STK4: variants seen among roughly 807,000 people sequenced by gnomAD.
STK4 encodes serine/threonine-protein kinase 4.
A neutral mutation model predicts 64.9 loss-of-function variants in STK4; 30 were observed. That is an observed-to-expected ratio of 0.46 (90% confidence interval 0.35 to 0.63). The LOEUF (loss-of-function observed/expected upper bound fraction) is 0.63. STK4 is among the 20% of genes least tolerant of loss of function. STK4 has a pLI of 0.01. For missense variants in STK4, 466 were observed against 598.5 expected, an observed-to-expected ratio of 0.78 and a Z score of 2.31; for synonymous variants, 177 against 199.0, an observed-to-expected ratio of 0.89 and a Z score of 0.93.
chr20:45,052,706 G>A (rs987643929), intron 10 of STK4, among the ~76,000 whole-genome samples: 3 of 152,128 alleles, frequency 2.0e-5, no homozygotes, highest in East Asian at 1.9e-4. Context: ...CAGCACCTGC[G>A]CTCTCAGACT....
chr20:45,028,820 C>G (rs2145393689), intron 10 of STK4, among the ~76,000 whole-genome samples: 1 of 152,288 alleles, frequency 6.6e-6, no homozygotes, highest in East Asian at 1.9e-4. Context: ...TTTTCTCATA[C>G]TAAGATCATT....
chr20:45,028,390 G>C (rs1037505690), intron 10 of STK4, among the ~76,000 whole-genome samples: 1 of 150,220 alleles, frequency 6.7e-6, no homozygotes, highest in South Asian at 2.1e-4. Flanking sequence ...GCAGTGGTCC[G>C]ATCATAGCTC....
At chr20:44,987,817 C>T (rs2067557089) in intron 5 of STK4, among the ~76,000 whole-genome samples, 1 of 151,332 alleles carries the variant, frequency 6.6e-6, no homozygotes, top group African/African-American at 2.4e-5. Flanking sequence ...TTTGATTCTA[C>T]ATAAGTATAT....
intron 5 of STK4, 115 bp downstream of exon 5, chr20:44,987,411 C>T: frequency 9.5e-7 from 1 of 1,057,158 alleles, no homozygotes; most frequent in Non-Finnish European, 1.3e-6. Context: ...AGTAAAAAAT[C>T]ACAGAATCTG....
At chr20:45,026,128 G>GGTTTTTTTTTTTTTTTTTTTTTTTTT (rs1490924969) in intron 10 of STK4, among the ~76,000 whole-genome samples, 2 of 128,980 alleles carry the variant, frequency 1.6e-5, no homozygotes, top group African/African-American at 6.0e-5. Flanking sequence ...TTATCCAGTG[G>GGTTTTTTTTTTTTTTTTTTTTTTTTT]TTTTTTTTTT....
At chr20:45,058,538 A>G (rs1978698941) in intron 10 of STK4, among the ~76,000 whole-genome samples, 1 of 152,178 alleles carries the variant, frequency 6.6e-6, no homozygotes, top group African/African-American at 2.4e-5. Context: ...GACTGCATCT[A>G]TTAAATAAAG....
intron 10 of STK4, among the ~76,000 whole-genome samples, chr20:45,044,369 G>A (rs752479522): frequency 6.6e-6 from 1 of 152,172 alleles, no homozygotes; most frequent in Non-Finnish European, 1.5e-5. Context: ...TAAAATTACC[G>A]AACCAGTGGC....
rs899072563 is a variant in STK4, at chr20:45,075,239, C to T, written c.*63C>T. 16 of 1,575,926 alleles carry T rather than the reference C, an allele frequency of 1.0e-5. No homozygotes were observed. Among genetic ancestry groups the T allele is most frequent in the Non-Finnish European group, 1.4e-5 (16 of 1,162,784 alleles). Reference sequence around the variant, plus strand: ...CTTTGGGTGAATTCTGGATGGCTTGCCTCATGTTTGTTAGCCAGCACTTCT... The same window carrying T: ...CTTTGGGTGAATTCTGGATGGCTTGTCTCATGTTTGTTAGCCAGCACTTCT... On this transcript the variant is annotated 3_prime_UTR_variant, in exon 11 of 11. Transcript: ENST00000372806.
At chr20:44,989,334 C>A (rs764358365) in intron 5 of STK4, among the ~76,000 whole-genome samples, 8 of 152,010 alleles carry the variant, frequency 5.3e-5, no homozygotes, top group Admixed American at 4.6e-4. Flanking sequence ...TCTTTGTGGT[C>A]TTGATTTGCA....
intron 3 of STK4, among the ~76,000 whole-genome samples, 187 bp from the exon 4 acceptor site, chr20:44,981,642 T>C (rs374741428): frequency 1.3e-5 from 2 of 152,320 alleles, no homozygotes; most frequent in East Asian, 1.9e-4. Context: ...TTTTATACTT[T>C]TGTGATTTAT....
chr20:45,019,051 A>G (rs1184660778), intron 9 of STK4, among the ~76,000 whole-genome samples: 1 of 152,176 alleles, frequency 6.6e-6, no homozygotes, highest in Admixed American at 6.5e-5. Flanking sequence ...AAATTGAGAT[A>G]TAATTTATAT....
At chr20:45,003,362 G>A (rs2067875310) in intron 9 of STK4, among the ~76,000 whole-genome samples, 1 of 152,160 alleles carries the variant, frequency 6.6e-6, no homozygotes, top group African/African-American at 2.4e-5. Flanking sequence ...GATCTATGTG[G>A]TGTTAGATAA....
At chr20:45,008,652 CA>C (rs2067992750) in intron 9 of STK4, among the ~76,000 whole-genome samples, 1 of 152,208 alleles carries the variant, frequency 6.6e-6, no homozygotes, top group African/African-American at 2.4e-5. Flanking sequence ...TTCCTACCAA[CA>C]GTATATAACC....
At chr20:44,987,562 C>T (rs2067552180) in intron 5 of STK4, among the ~76,000 whole-genome samples, 1 of 151,978 alleles carries the variant, frequency 6.6e-6, no homozygotes, top group Admixed American at 6.6e-5. Flanking sequence ...TGCACTACAT[C>T]AACATATTTA....
intron 9 of STK4, among the ~76,000 whole-genome samples, chr20:45,009,908 C>T (rs1568717869): frequency 6.6e-6 from 1 of 152,074 alleles, no homozygotes; most frequent in Non-Finnish European, 1.5e-5. Flanking sequence ...ATGTGCTTAT[C>T]AATTCTAGTA....
At chr20:45,047,097 GACTA>G (rs796726825) in intron 10 of STK4, among the ~76,000 whole-genome samples, 1 of 152,130 alleles carries the variant, frequency 6.6e-6, no homozygotes, top group South Asian at 2.1e-4. Context: ...GGTCTCTTAA[GACTA>G]ACTACATTTT....
At chr20:45,067,676 G>A (rs1183736020) in intron 10 of STK4, among the ~76,000 whole-genome samples, 1 of 152,204 alleles carries the variant, frequency 6.6e-6, no homozygotes, top group Non-Finnish European at 1.5e-5. Flanking sequence ...TCTCTGTGAT[G>A]AAGTATCAGC....
In STK4 at chr20:45,043,294, A is replaced by C. The variant is rs541189432; in HGVS notation, c.1305+18164A>C. ...GTTGTTCATTACAGCACTATTCACA[A>C]TAGCAAAGATTTTACATTTGTTTAG... On this transcript the variant is annotated intron_variant, in intron 10 of 10. Transcript: ENST00000372806. Among the ~76,000 whole-genome samples the C allele has an allele frequency of 3.9e-5, 6 of 152,338 alleles. No individual in the cohort carries two copies. The East Asian group carries it at 1.2e-3, about 29-fold the overall frequency.
At chr20:45,028,073 G>T (rs1414082010) in intron 10 of STK4, among the ~76,000 whole-genome samples, 1 of 152,198 alleles carries the variant, frequency 6.6e-6, no homozygotes, top group Non-Finnish European at 1.5e-5. Context: ...ATAAATAGGA[G>T]AGTTTAGATA....
Sources: gnomAD v4.1 joint callset for allele counts (sites outside exome capture counted in the v4.1 genomes callset) on GRCh38, gnomAD v4.1.1 for gene constraint, MANE v1.5 for transcripts, NCBI Gene and HGNC (gene_info 2026-07-23, HGNC 2026-07-21) for gene names.